The following CASTOR2 variants were observed in gnomAD, a reference collection of about 807,000 sequenced individuals.
CASTOR2 encodes cytosolic arginine sensor for mTORC1 subunit 2.
In CASTOR2, 8 loss-of-function variants were observed where a neutral mutation model predicts 31.2. That is an observed-to-expected ratio of 0.26 (90% CI 0.15 to 0.46). The LOEUF is 0.46. Ranked by LOEUF, CASTOR2 falls within the 20% of genes least tolerant of loss-of-function variation. The pLI is 0.99. For missense variants in CASTOR2, 216 were observed against 382.1 expected (o/e 0.57, Z 3.62); for synonymous variants, 162 against 158.7 (o/e 1.02, Z -0.16).
chr7:75,022,210 T>C (rs1370499506), intron 7 of CASTOR2, among the ~76,000 whole-genome samples: 1 of 152,136 alleles, frequency 6.6e-6, no homozygotes, highest in Non-Finnish European at 1.5e-5. Context: ...TGCTTATTAT[T>C]AGAAAATTAA....
At chr7:74,987,632 G>T (rs1804103158) in intron 1 of CASTOR2, among the ~76,000 whole-genome samples, 1 of 152,206 alleles carries the variant, frequency 6.6e-6, no homozygotes, top group Admixed American at 6.5e-5. Flanking sequence ...CATCACCCCC[G>T]TGGGGAGTCA....
intron 7 of CASTOR2, 123 bp downstream of exon 7, chr7:75,022,079 G>T: frequency 8.3e-7 from 1 of 1,201,866 alleles, no homozygotes; most frequent in Non-Finnish European, 1.2e-6. Context: ...TGAGGCTTGG[G>T]GAGCCTGAAA....
chr7:75,017,565 A>G, intron 2 of CASTOR2, 33 bp from the exon 3 acceptor site: 1 of 1,609,478 alleles, frequency 6.2e-7, no homozygotes, highest in Non-Finnish European at 8.5e-7. Flanking sequence ...GAACCTCAGC[A>G]GTCACAGGAC....
intron 2 of CASTOR2, among the ~76,000 whole-genome samples, chr7:75,014,215 C>T (rs1443012769): frequency 6.6e-6 from 1 of 151,902 alleles, no homozygotes; most frequent in South Asian, 2.1e-4. Flanking sequence ...CTGGGGACAG[C>T]GGTACATCAT....
chr7:74,999,347 G>C (rs1804436650), intron 1 of CASTOR2, among the ~76,000 whole-genome samples: 1 of 151,922 alleles, frequency 6.6e-6, no homozygotes, highest in South Asian at 2.1e-4. Flanking sequence ...TCCTGTTCAG[G>C]ATCGCCCTTC....
At chr7:74,995,527 G>T (rs1169535580) in intron 1 of CASTOR2, among the ~76,000 whole-genome samples, 13 of 27,330 alleles carry the variant, frequency 4.8e-4, no homozygotes, top group African/African-American at 1.2e-3. Flanking sequence ...AAAAAAAAAG[G>T]CCGGGTGCGG....
intron 1 of CASTOR2, among the ~76,000 whole-genome samples, chr7:74,994,692 G>T (rs1563058155): frequency 6.6e-6 from 1 of 151,994 alleles, no homozygotes; most frequent in African/African-American, 2.4e-5. Context: ...AGAGGTTGCG[G>T]TGAGCCGAGA....
At chr7:75,007,948 A>T (rs1224360989) in intron 1 of CASTOR2, 46 bp from the exon 2 acceptor site, 1 of 1,613,556 alleles carries the variant, frequency 6.2e-7, no homozygotes, top group Admixed American at 1.7e-5. Context: ...GCCCCAGGGG[A>T]CCTGCCTGGA....
rs1169438681 is a variant in CASTOR2 at position 75,030,694 on chromosome 7, T to C, written c.*5995T>C. Among the ~76,000 whole-genome samples, 3 of 151,968 alleles carry C rather than the reference T, an allele frequency of 2.0e-5. No homozygotes were observed. The highest frequency in any genetic ancestry group is 7.3e-5 in the African/African-American group (3 of 41,362). ...CTCGGCTTCCCCCCAGAGCAAGAGA[T>C]TCAAGGGCCCAGGGTAAAAGCCAAC... On this transcript the variant is annotated 3_prime_UTR_variant, in exon 9 of 9. Transcript: ENST00000616305.
chr7:74,985,723 C>G (rs1407846636), intron 1 of CASTOR2, among the ~76,000 whole-genome samples: 7 of 151,850 alleles, frequency 4.6e-5, no homozygotes, highest in African/African-American at 1.5e-4. Context: ...GTCCCGTCTG[C>G]AGAGGGGCAT....
At chr7:74,985,311 G>C (rs1420360520) in intron 1 of CASTOR2, among the ~76,000 whole-genome samples, 1 of 151,982 alleles carries the variant, frequency 6.6e-6, no homozygotes, top group Non-Finnish European at 1.5e-5. Context: ...CAGGGGGTTG[G>C]GGACAATGGC....
intron 2 of CASTOR2, among the ~76,000 whole-genome samples, chr7:75,013,086 A>G (rs1274347807): frequency 7.7e-4 from 117 of 152,312 alleles, no homozygotes; most frequent in Admixed American, 1.5e-3. Flanking sequence ...AGGAAGAAGG[A>G]TGCTGGCTCT....
rs1805274659 is a variant in CASTOR2 at position 75,030,562 on chromosome 7, A to G, written c.*5863A>G. Among the ~76,000 whole-genome samples the G allele has an allele frequency of 6.6e-6, 1 of 152,064 alleles. No homozygotes were observed. The highest frequency in any genetic ancestry group is 2.4e-5 in the African/African-American group (1 of 41,384). On this transcript the variant is annotated 3_prime_UTR_variant, in exon 9 of 9. Transcript: ENST00000616305. ...CTGTTGTCTGAAATCTTAGCTAAGG[A>G]TTGGAGGATGCACTTCTAAGTGAGG...
rs1389588052 is a variant in CASTOR2, at chr7:75,029,619, C to CAA, written c.*4921_*4922insAA. Among the ~76,000 whole-genome samples the CAA allele has an allele frequency of 3.3e-5, 5 of 151,978 alleles. No homozygotes were observed. The highest frequency in any genetic ancestry group is 5.9e-5 in the Non-Finnish European group (4 of 67,980). On this transcript the variant is annotated 3_prime_UTR_variant, in exon 9 of 9. Coordinates refer to ENST00000616305, the MANE Select transcript of CASTOR2 (RefSeq NM_001145064.3). ...TTGGCCTCCCAAAGTGCTGGGATTA[C>CAA]AGGCATGAGATACCCCGCCTGGCCA...
At chr7:74,988,680 G>C (rs1475318458) in intron 1 of CASTOR2, among the ~76,000 whole-genome samples, 25 of 152,158 alleles carry the variant, frequency 1.6e-4, no homozygotes, top group South Asian at 1.2e-3. Flanking sequence ...TATTGATCCT[G>C]CTTTTACTTT....
chr7:75,024,867 G>T lies in CASTOR2; in HGVS notation c.*168G>T. On this transcript the variant is annotated 3_prime_UTR_variant, in exon 9 of 9. Coordinates refer to ENST00000616305, the MANE Select transcript of CASTOR2 (RefSeq NM_001145064.3). ...CAATCCCTCCAGGGCAGGGGCCCAC[G>T]CCAAGGCCTCTCCATGCCCTCCTGC... The T allele has an allele frequency of 6.6e-7, 1 of 1,506,626 alleles. No individual in the cohort carries two copies. The highest frequency in any genetic ancestry group is 2.4e-4 in the Middle Eastern group (1 of 4,222). 93.3% of individuals were successfully genotyped at this position (1,506,626 alleles called of 1,614,324 possible).
intron 7 of CASTOR2, among the ~76,000 whole-genome samples, chr7:75,022,239 T>A (rs1250974201): frequency 2.0e-5 from 3 of 152,194 alleles, no homozygotes; most frequent in Admixed American, 6.5e-5. Flanking sequence ...GCGCGGTGGC[T>A]CGTGCTTGTA....
chr7:74,995,547 C>T (rs1338843176), intron 1 of CASTOR2, among the ~76,000 whole-genome samples: 18 of 134,970 alleles, frequency 1.3e-4, no homozygotes, highest in African/African-American at 4.8e-4. Flanking sequence ...GTGGCTCACA[C>T]TTGTAATTCC....
chr7:74,986,489 C>CAAAAAA (rs1230811070), intron 1 of CASTOR2, among the ~76,000 whole-genome samples: 2 of 66,944 alleles, frequency 3.0e-5, no homozygotes, highest in Admixed American at 1.8e-4. Flanking sequence ...GACTCTGTCT[C>CAAAAAA]AAAAAAAAAA....
Sources: allele counts gnomAD v4.1 joint callset (sites outside exome capture counted in the v4.1 genomes callset), GRCh38; gene constraint gnomAD v4.1.1; transcripts MANE v1.5; gene names NCBI Gene and HGNC (gene_info 2026-07-23, HGNC 2026-07-21).